Variants in UPP2 observed in about 807,000 individuals in gnomAD.
UPP2 encodes the protein uridine phosphorylase 2.
A neutral mutation model predicts 26.7 loss-of-function variants in UPP2; 23 were observed. The ratio of observed to expected loss-of-function variants is 0.86; its 90% CI spans 0.62 to 1.22. The LOEUF (loss-of-function observed/expected upper bound fraction) is 1.22. Among genes scored for constraint, UPP2 ranks in the 50% most tolerant of loss-of-function variants. The probability of loss-of-function intolerance (pLI) is 0.00; values close to 1 mark genes in which losing one functional copy is unlikely to be tolerated. For synonymous variants in UPP2, 127 were observed against 141.3 expected, an observed-to-expected ratio of 0.90 and a Z score of 0.72; for missense variants, 387 against 396.7, an observed-to-expected ratio of 0.98 and a Z score of 0.21.
intron 3 of UPP2, among the ~76,000 whole-genome samples, chr2:158,028,291 C>A (rs2105154168): frequency 6.6e-6 from 1 of 152,312 alleles, no homozygotes; most frequent in South Asian, 2.1e-4. Context: ...TTAGAAGTTT[C>A]TTCCACCAGA....
chr2:158,112,500 T>C (rs1305430319), intron 2 of UPP2, among the ~76,000 whole-genome samples: 1 of 152,100 alleles, frequency 6.6e-6, no homozygotes, highest in Non-Finnish European at 1.5e-5. Context: ...CTATAAAATG[T>C]TAGAAGAAAA....
intron 6 of UPP2, chr2:158,128,155 C>G: frequency 5.6e-6 from 2 of 357,730 alleles, no homozygotes; most frequent in Non-Finnish European, 7.8e-6. Context: ...AAATCCTCTT[C>G]TATGTCTAGT....
chr2:158,072,072 C>A (rs1682551440), intron 3 of UPP2, among the ~76,000 whole-genome samples: 1 of 152,116 alleles, frequency 6.6e-6, no homozygotes, highest in Non-Finnish European at 1.5e-5. Context: ...TTTTCTGGAC[C>A]TGCCCTGGGC....
chr2:158,028,968 G>C (rs1683878842), intron 3 of UPP2, among the ~76,000 whole-genome samples: 2 of 152,208 alleles, frequency 1.3e-5, no homozygotes, highest in African/African-American at 2.4e-5. Context: ...AGGAAGGCTG[G>C]CAGGCTTGCC....
At chr2:158,134,524 G>A (rs1056386174) in intron 6 of UPP2, among the ~76,000 whole-genome samples, 6 of 152,178 alleles carry the variant, frequency 3.9e-5, no homozygotes, top group African/African-American at 1.4e-4. Context: ...GAGGAAGGAG[G>A]AGTGTTCACA....
rs1487690328 is a variant in UPP2 at position 158,081,671 on chromosome 2, G to A, written c.148-20369G>A. ...GAAATCCTGTCATTTGCAACAACGT[G>A]GATGGAACTGGAGCACATTAATAAG... On this transcript the variant is annotated intron_variant, in intron 3 of 9. Coordinates refer to the UPP2 transcript ENST00000605860. 2.0e-5 allele frequency among the ~76,000 whole-genome samples: 3 copies of A among 152,116 alleles called. No homozygotes were observed. In the East Asian group the frequency reaches 5.8e-4, roughly 29 times the overall value.
chr2:158,113,584 C>G (rs909843773), intron 2 of UPP2, among the ~76,000 whole-genome samples: 1 of 152,078 alleles, frequency 6.6e-6, no homozygotes, highest in Non-Finnish European at 1.5e-5. Context: ...TAATTACACC[C>G]CTAATTGAGA....
chr2:158,021,776 T>C (rs1275048822), intron 3 of UPP2, among the ~76,000 whole-genome samples: 1 of 152,210 alleles, frequency 6.6e-6, no homozygotes, highest in African/African-American at 2.4e-5. Context: ...ACTATCATCA[T>C]AGACAGGCTC....
At chr2:158,079,604 C>T (rs756252117) in intron 3 of UPP2, among the ~76,000 whole-genome samples, 2 of 152,136 alleles carry the variant, frequency 1.3e-5, no homozygotes, top group Non-Finnish European at 2.9e-5. Flanking sequence ...TCATACTAAA[C>T]CCATTCCACT....
upstream of UPP2, chr2:158,101,834 C>A: frequency 7.7e-7 from 1 of 1,299,936 alleles, no homozygotes; most frequent in South Asian, 2.2e-5. Flanking sequence ...GAGAGCTGGG[C>A]TGTGGTATAA....
At chr2:158,099,809 C>CG (rs1558930032), upstream of UPP2, among the ~76,000 whole-genome samples, 1 of 152,104 alleles carries the variant, frequency 6.6e-6, no homozygotes, top group Non-Finnish European at 1.5e-5. Flanking sequence ...TAAAGGAAGA[C>CG]GGTAGGAAGT....
At chr2:158,009,275 T>C (rs1316756197) in intron 2 of UPP2, among the ~76,000 whole-genome samples, 1 of 152,078 alleles carries the variant, frequency 6.6e-6, no homozygotes, top group Non-Finnish European at 1.5e-5. Context: ...GTTTTTCTGC[T>C]TTGTCCTTGA....
intron 3 of UPP2, among the ~76,000 whole-genome samples, chr2:158,067,829 C>T (rs1682462746): frequency 6.6e-6 from 1 of 151,992 alleles, no homozygotes. Flanking sequence ...TTATTTTTCA[C>T]CTTAGCATCT....
chr2:158,042,534 T>C (rs1684095570), intron 3 of UPP2, among the ~76,000 whole-genome samples: 2 of 152,320 alleles, frequency 1.3e-5, no homozygotes, highest in Middle Eastern at 6.8e-3. Flanking sequence ...AACAGACAGC[T>C]GTGGGCAGAA....
chr2:158,085,763 G>A (rs1407393788), intron 3 of UPP2, among the ~76,000 whole-genome samples: 2 of 152,088 alleles, frequency 1.3e-5, no homozygotes, highest in Non-Finnish European at 2.9e-5. Context: ...AGATGATCAT[G>A]TGATTTTTGT....
At chr2:158,101,610 G>T (rs1683076831), upstream of UPP2, among the ~76,000 whole-genome samples, 1 of 152,160 alleles carries the variant, frequency 6.6e-6, no homozygotes, top group South Asian at 2.1e-4. Context: ...GAGAAGACCT[G>T]GTAGGTGTGT....
At chr2:158,032,124 G>A (rs1228514149) in intron 3 of UPP2, among the ~76,000 whole-genome samples, 3 of 152,246 alleles carry the variant, frequency 2.0e-5, no homozygotes, top group Non-Finnish European at 2.9e-5. Flanking sequence ...CTGCTCTGGA[G>A]AAGAGAATCC....
At chr2:158,094,460 TTCAAAAGAA>T (rs1314707565) in intron 3 of UPP2, among the ~76,000 whole-genome samples, 3 of 152,222 alleles carry the variant, frequency 2.0e-5, no homozygotes, top group Admixed American at 2.0e-4. Flanking sequence ...AAGTAAAGTG[TTCAAAAGAA>T]TAACATTTTT....
rs150108970 is a variant in UPP2, at chr2:158,034,777, C to A, written c.147+18891C>A. Among the ~76,000 whole-genome samples the A allele has an allele frequency of 8.8e-3, 1,345 of 152,340 alleles. 17 individuals carry two copies. Among genetic ancestry groups the A allele is most frequent in the African/African-American group, 0.031 (1,279 of 41,574 alleles). Reference sequence around the variant, plus strand: ...GCATGAACCATTTCTGGCTTTATCTCAGGGGCAGCTTGTTCGAACTAGCCT... The same window carrying A: ...GCATGAACCATTTCTGGCTTTATCTAAGGGGCAGCTTGTTCGAACTAGCCT... On this transcript the variant is annotated intron_variant, in intron 3 of 9. Coordinates refer to the UPP2 transcript ENST00000605860.
Sources: gnomAD v4.1 joint callset for allele counts (sites outside exome capture counted in the v4.1 genomes callset) on GRCh38, gnomAD v4.1.1 for gene constraint, MANE v1.5 for transcripts, NCBI Gene and HGNC (gene_info 2026-07-23, HGNC 2026-07-21) for gene names.